The following RTL4 variants were observed in gnomAD, a reference collection of about 807,000 sequenced individuals.
The protein encoded by RTL4 is retrotransposon Gag-like protein 4.
Under a neutral mutation model 5.3 loss-of-function variants are expected in RTL4, and 4 were observed. That is an observed-to-expected ratio of 0.75 (90% CI 0.37 to 1.72). The LOEUF is 1.72. Ranked by LOEUF, RTL4 falls within the 40% of genes most tolerant of loss-of-function variation. The pLI, the probability that RTL4 is intolerant of heterozygous loss-of-function variation, is 0.04. For missense variants in RTL4, 260 were observed against 227.1 expected (o/e 1.14, Z -0.93); for synonymous variants, 98 against 87.3 (o/e 1.12, Z -0.68).
exon 1 of RTL4, chrX:112,454,909 C>T (rs1926808614): frequency 2.5e-6 from 3 of 1,210,552 alleles, no homozygotes; most frequent in Non-Finnish European, 3.4e-6. Flanking sequence ...ACTTGAGCAT[C>T]TCACCCAGTT....
exon 1 of RTL4, chrX:112,456,641 C>G: frequency 4.0e-6 from 1 of 252,917 alleles, no homozygotes; most frequent in Non-Finnish European, 7.4e-6. Flanking sequence ...GACTGACAGC[C>G]AGACCCTGCA....
At chrX:112,368,679 G>A in the RTL4 span, among the ~76,000 whole-genome samples, 1 of 110,952 alleles carries the variant, frequency 9.0e-6, no homozygotes, top group Non-Finnish European at 1.9e-5. Context: ...AATGTCAATA[G>A]TACCAAGGCT....
the RTL4 span, among the ~76,000 whole-genome samples, chrX:112,418,236 C>A: frequency 1.3e-4 from 14 of 111,900 alleles, no homozygotes; most frequent in African/African-American, 4.2e-4. Flanking sequence ...GAATTATACA[C>A]GTCAAATGGC....
At chrX:112,444,086 A>T in the RTL4 span, among the ~76,000 whole-genome samples, 1 of 111,952 alleles carries the variant, frequency 8.9e-6, no homozygotes, top group Non-Finnish European at 1.9e-5. Context: ...TCTTAGATTT[A>T]AGTCTTTAAT....
chrX:112,354,956 C>A, the RTL4 span, among the ~76,000 whole-genome samples: 17 of 111,174 alleles, frequency 1.5e-4, no homozygotes, highest in Admixed American at 9.6e-5. Context: ...TATAAATAAT[C>A]AACACTTTCT....
At chrX:112,406,317 T>G in the RTL4 span, among the ~76,000 whole-genome samples, 8 of 111,945 alleles carry the variant, frequency 7.1e-5, no homozygotes, top group African/African-American at 2.6e-4. Context: ...AGCACTGTGC[T>G]GGCATCTGTT....
the RTL4 span, among the ~76,000 whole-genome samples, chrX:112,254,516 C>G: frequency 9.1e-6 from 1 of 110,142 alleles, no homozygotes; most frequent in Non-Finnish European, 1.9e-5. Context: ...TTTTAGTAGA[C>G]GGGAGTTTCA....
the RTL4 span, among the ~76,000 whole-genome samples, chrX:112,176,136 C>G: frequency 9.0e-6 from 1 of 111,197 alleles, no homozygotes; most frequent in Admixed American, 9.5e-5. Context: ...ACAATTGCTT[C>G]AAAGAGAATA....
At chrX:112,351,070 T>G in the RTL4 span, among the ~76,000 whole-genome samples, 1 of 111,461 alleles carries the variant, frequency 9.0e-6, no homozygotes, top group African/African-American at 3.3e-5. Context: ...TGCTGTGTCT[T>G]TGTTCTTGTT....
chrX:112,219,587 A>G, the RTL4 span, among the ~76,000 whole-genome samples: 1 of 112,299 alleles, frequency 8.9e-6, no homozygotes, highest in Non-Finnish European at 1.9e-5. Flanking sequence ...AGTTTAGAAA[A>G]GCTGTCATTC....
the RTL4 span, among the ~76,000 whole-genome samples, chrX:112,339,368 C>T: frequency 1.8e-5 from 2 of 111,816 alleles, no homozygotes; most frequent in Non-Finnish European, 3.8e-5. Context: ...CCCAGGTGAA[C>T]TGGGACAGAT....
the RTL4 span, among the ~76,000 whole-genome samples, chrX:112,264,299 C>T: frequency 8.9e-6 from 1 of 112,081 alleles, no homozygotes; most frequent in East Asian, 2.8e-4. Context: ...CTTCAGGGCC[C>T]TGCTAGGTTA....
At chrX:112,227,957 AG>A in the RTL4 span, among the ~76,000 whole-genome samples, 1 of 111,612 alleles carries the variant, frequency 9.0e-6, no homozygotes, top group South Asian at 3.8e-4. Context: ...ATTGGTTCCC[AG>A]GCTCAGAACA....
At chrX:112,112,785 A>G in the RTL4 span, among the ~76,000 whole-genome samples, 3 of 111,814 alleles carry the variant, frequency 2.7e-5, no homozygotes, top group Non-Finnish European at 5.6e-5. Context: ...CCCTTGGGGC[A>G]AGACCATCCA....
the RTL4 span, among the ~76,000 whole-genome samples, chrX:112,328,031 G>A: frequency 1.7e-4 from 18 of 107,568 alleles, no homozygotes; most frequent in Non-Finnish European, 2.5e-4. Context: ...AGGAACAACC[G>A]GTACCAGCTG....
chrX:112,290,743 CAATT>C, the RTL4 span, among the ~76,000 whole-genome samples: 225 of 112,099 alleles, frequency 2.0e-3, no homozygotes, highest in Admixed American at 3.2e-3. Context: ...GTTGTTTTAG[CAATT>C]AATTGAGACA....
At chrX:112,188,503 C>A in the RTL4 span, among the ~76,000 whole-genome samples, 4 of 111,887 alleles carry the variant, frequency 3.6e-5, no homozygotes, top group East Asian at 1.1e-3. Flanking sequence ...AAAGGAAAGT[C>A]TGGAAACTTT....
the RTL4 span, among the ~76,000 whole-genome samples, chrX:112,165,143 C>T: frequency 1.5e-4 from 17 of 111,908 alleles, no homozygotes; most frequent in African/African-American, 5.5e-4. Context: ...TCATGGCTAT[C>T]CTTCACATTG....
the RTL4 span, among the ~76,000 whole-genome samples, chrX:112,439,573 C>A: frequency 9.0e-6 from 1 of 111,587 alleles, no homozygotes; most frequent in Non-Finnish European, 1.9e-5. Flanking sequence ...TCTGCCAATA[C>A]CCCTTGGTAT....
Sources: gnomAD v4.1 joint callset for allele counts (sites outside exome capture counted in the v4.1 genomes callset) on GRCh38, gnomAD v4.1.1 for gene constraint, MANE v1.5 for transcripts, NCBI Gene and HGNC (gene_info 2026-07-23, HGNC 2026-07-21) for gene names.